Variants in STT3A observed in about 807,000 individuals in gnomAD.
STT3A encodes the protein STT3 oligosaccharyltransferase complex catalytic subunit A.
In STT3A, 34 loss-of-function variants were observed where a neutral mutation model predicts 89.2. That is an observed-to-expected ratio of 0.38 (90% confidence interval 0.29 to 0.51). The LOEUF (loss-of-function observed/expected upper bound fraction) is 0.51, where lower values mean the gene tolerates loss of function less well. Ranked by LOEUF, STT3A falls within the 20% of genes least tolerant of loss-of-function variation. The pLI, the probability that STT3A is intolerant of heterozygous loss-of-function variation, is 0.89. For missense variants in STT3A, 555 were observed against 889.5 expected (o/e 0.62, Z 4.78); for synonymous variants, 282 against 310.3 (o/e 0.91, Z 0.96).
upstream of STT3A, chr11:125,592,436 C>A (rs955207007): frequency 2.2e-6 from 1 of 456,136 alleles, no homozygotes; most frequent in South Asian, 1.5e-5. Flanking sequence ...AGACGGGAGA[C>A]GAGCGGCTCC....
intron 12 of STT3A, 40 bp downstream of exon 12, chr11:125,612,787 G>T: frequency 1.9e-6 from 3 of 1,602,844 alleles, no homozygotes; most frequent in Non-Finnish European, 2.6e-6. Context: ...GAAACTCTGT[G>T]TGTGTGTGTG....
Position 125,621,006 on chromosome 11 carries a change from C to A in STT3A, c.*196C>A. 2 of 459,478 alleles carry A rather than the reference C, an allele frequency of 4.4e-6. No homozygotes were observed. Among genetic ancestry groups the A allele is most frequent in the Non-Finnish European group, 7.7e-6 (2 of 261,042 alleles). 28.5% of individuals were successfully genotyped at this position (459,478 alleles called of 1,614,324 possible). On this transcript the variant is annotated 3_prime_UTR_variant, in exon 18 of 18. Transcript: ENST00000392708. ...ATTTTTATAATTCTAAACAGGTTAC[C>A]AAATGAAATGTCATGGCTTTACTTT...
At position 125,609,928 on chromosome 11, in the gene STT3A, G is replaced by A. The variant is rs143768483; in HGVS notation, c.1117+339G>A. ...TTTACCCTTGTTTTTCCTCTTGGAA[G>A]TATTGAAGTCCCATAATGAGTACTG... On this transcript the variant is annotated intron_variant, in intron 10 of 17. Coordinates refer to ENST00000392708, the MANE Select transcript of STT3A (RefSeq NM_152713.5). 22 of 230,248 alleles carry A rather than the reference G, an allele frequency of 9.6e-5. No individual in the cohort carries two copies. The East Asian group carries it at 2.1e-3, about 22-fold the overall frequency. The allele number at this position is 230,248 out of a possible 1,614,324, so 14.3% of individuals were successfully genotyped here. A position where few individuals can be genotyped will look rare whatever the true frequency, so the allele number is the denominator to read the frequency against.
chr11:125,620,000 T>A lies in STT3A; in HGVS notation c.1964-11T>A. ...GTAGAAAGAAGTGTGTTCTTTTTCA[T>A]CCCTCTCTAGAGCGTCCTCCAGGCT... On this transcript the variant is annotated splice_polypyrimidine_tract_variant and intron_variant, in intron 16 of 17. Transcript: ENST00000392708. The A allele has an allele frequency of 6.2e-7, 1 of 1,611,492 alleles. No homozygotes were observed.
intron 8 of STT3A, among the ~76,000 whole-genome samples, chr11:125,607,102 A>G (rs1275809149): frequency 1.3e-5 from 2 of 152,236 alleles, no homozygotes; most frequent in Non-Finnish European, 1.5e-5. Context: ...TCCAGTACCC[A>G]TACAAGCATT....
intron 10 of STT3A, 136 bp from the exon 11 acceptor site, chr11:125,611,292 T>C (rs1465101106): frequency 1.5e-6 from 1 of 685,326 alleles, no homozygotes; most frequent in Non-Finnish European, 2.5e-6. Context: ...ATGATTGTTT[T>C]TTTAGGATAA....
intron 7 of STT3A, 81 bp from the exon 8 acceptor site, chr11:125,606,220 C>A (rs779485972): frequency 2.4e-5 from 31 of 1,296,954 alleles, no homozygotes; most frequent in Non-Finnish European, 3.0e-5. Flanking sequence ...TTTAAAGAGT[C>A]ACAGGTGATA....
Position 125,609,517 on chromosome 11 carries a change from GTGTC to G in STT3A, c.1048_1051del (p.Glu351IlefsTer43). On this transcript the variant is annotated frameshift_variant, in exon 10 of 18. Transcript: ENST00000392708. LOFTEE classifies it high-confidence loss of function. ...GAACAACATCCCCATCATTGCTTCT[GTGTC>G]TGAGCATCAGCCCACAACCTGGTCC... 6.2e-7 allele frequency: 1 copy of G among 1,614,196 alleles called. No individual in the cohort carries two copies. The highest frequency in any genetic ancestry group is 8.5e-7 in the Non-Finnish European group (1 of 1,180,034).
rs1469321150 is a variant in STT3A, at chr11:125,623,088, A to AAT, written c.*2279_*2280insTA. 1 of 157,092 alleles carries AAT rather than the reference A, an allele frequency of 6.4e-6. No homozygotes were observed. Among genetic ancestry groups the AAT allele is most frequent in the Admixed American group, 6.5e-5 (1 of 15,354 alleles). 9.7% of individuals were successfully genotyped at this position (157,092 alleles called of 1,614,324 possible). ...TGTCTCAAAAAAAAAAAAAAAAAAA[A>AAT]AAAAGAGTGGGACCCAAAAAAGCTG... On this transcript the variant is annotated 3_prime_UTR_variant, in exon 18 of 18. Coordinates refer to ENST00000392708, the MANE Select transcript of STT3A (RefSeq NM_152713.5).
chr11:125,597,707 A>G (rs759644570), intron 3 of STT3A, among the ~76,000 whole-genome samples: 1 of 152,216 alleles, frequency 6.6e-6, no homozygotes, highest in Non-Finnish European at 1.5e-5. Context: ...TGGGCTTCTT[A>G]GTTAAATTCT....
chr11:125,606,461 T>A lies in STT3A; in HGVS notation c.776T>A (p.Phe259Tyr), dbSNP rs1939843026. The A allele has an allele frequency of 1.2e-6, 2 of 1,612,508 alleles. No homozygotes were observed. Among genetic ancestry groups the A allele is most frequent in the South Asian group, 1.1e-5 (1 of 90,652 alleles). Residue 259 changes from phenylalanine (F) to tyrosine (Y), a missense_variant, in exon 8 of 18, where the codon TTC (phenylalanine) becomes TAC (tyrosine). Transcript: ENST00000392708. ...ILSMQISFVG[F>Y]QPVLSSEHMA... ...TCTATGCAGATCTCCTTTGTGGGTT[T>A]CCAGGTGAGCCCTTGACTGAGTAGG...
chr11:125,596,995 T>TA, intron 2 of STT3A, 64 bp from the exon 3 acceptor site: 1 of 1,533,946 alleles, frequency 6.5e-7, no homozygotes, highest in African/African-American at 1.4e-5. Context: ...TTCATTATAA[T>TA]ACTATATCTG....
At chr11:125,611,311 A>T (rs1940008677) in intron 10 of STT3A, 117 bp from the exon 11 acceptor site, 1 of 737,302 alleles carries the variant, frequency 1.4e-6, no homozygotes, top group African/African-American at 1.8e-5. Context: ...AAATTCCTGG[A>T]AGTGGAATTG....
At position 125,611,477 on chromosome 11, in the gene STT3A, C is replaced by T. The variant is rs1190979469; in HGVS notation, c.1167C>T (p.Ile389=). The T allele has an allele frequency of 6.2e-7, 1 of 1,614,046 alleles. No homozygotes were observed. Among genetic ancestry groups the T allele is most frequent in the African/African-American group, 1.3e-5 (1 of 75,050 alleles). The part of the protein sequence containing the change: ...FSNLSDARIF[I]IMYGVTSMYF... ...ACCTGTCTGATGCCCGGATTTTTAT[C>T]ATCATGTATGGTGTGACCAGCATGT... is the stretch of plus-strand genomic sequence containing the variant. Residue 389 remains isoleucine (I), a synonymous_variant, in exon 11 of 18, where the codon ATC becomes ATT. Transcript: ENST00000392708.
intron 8 of STT3A, among the ~76,000 whole-genome samples, chr11:125,607,253 G>A (rs1025142139): frequency 2.0e-5 from 3 of 152,160 alleles, no homozygotes; most frequent in South Asian, 2.1e-4. Context: ...GGTAGTCTAC[G>A]CTAAGCTGTG....
In STT3A at chr11:125,621,507, A is replaced by G. The variant is rs1008415587; in HGVS notation, c.*697A>G. 1 of 152,240 alleles carries G rather than the reference A, an allele frequency of 6.6e-6. No homozygotes were observed. The highest frequency in any genetic ancestry group is 2.4e-5 in the African/African-American group (1 of 41,454). 9.4% of individuals were successfully genotyped at this position (152,240 alleles called of 1,614,324 possible). On this transcript the variant is annotated 3_prime_UTR_variant, in exon 18 of 18. Coordinates refer to ENST00000392708, the MANE Select transcript of STT3A (RefSeq NM_152713.5). The stretch of plus-strand genomic sequence containing the variant: ...GGAAGAAACTCTTCCAGCATTACAT[A>G]TAGAGCTTGATGGTCAGTAGGTGTT...
chr11:125,618,973 A>G lies in STT3A; in HGVS notation c.1963+412A>G, dbSNP rs368084645. ...GGTCTGGAACTCCTGAGCTCAAGCA[A>G]TCTTCTTGTCATGGCCTCCTGAAGT... On this transcript the variant is annotated intron_variant, in intron 16 of 17. Transcript: ENST00000392708. Among the ~76,000 whole-genome samples the G allele has an allele frequency of 5.3e-5, 8 of 152,192 alleles. No homozygotes were observed. The East Asian group carries it at 1.4e-3, about 26-fold the overall frequency.
rs1419850566 is a variant in STT3A, at chr11:125,622,427, T to G, written c.*1617T>G. On this transcript the variant is annotated 3_prime_UTR_variant, in exon 18 of 18. Coordinates refer to ENST00000392708, the MANE Select transcript of STT3A (RefSeq NM_152713.5). ...CAATATGATTAATACCAGTTAGAAA[T>G]TATTAATGATCTTCCTTTATACTAT... 6.6e-6 allele frequency: 1 copy of G among 152,246 alleles called. No individual in the cohort carries two copies. Among genetic ancestry groups the G allele is most frequent in the African/African-American group, 2.4e-5 (1 of 41,464 alleles). 9.4% of individuals were successfully genotyped at this position (152,246 alleles called of 1,614,324 possible).
rs151315874 is a variant in STT3A, at chr11:125,598,939, C to T, written c.149+1820C>T. ...TGTTTCTTGATCCCAATCTGTTAGG[C>T]TTCTTTCTCAGACCCTCTGAATGAG... is the stretch of plus-strand genomic sequence containing the variant. On this transcript the variant is annotated intron_variant, in intron 3 of 17. Transcript: ENST00000392708. 5.9e-3 allele frequency among the ~76,000 whole-genome samples: 898 copies of T among 152,256 alleles called. 8 individuals carry two copies. Among genetic ancestry groups the T allele is most frequent in the African/African-American group, 0.02 (833 of 41,552 alleles).
Sources: allele counts gnomAD v4.1 joint callset (sites outside exome capture counted in the v4.1 genomes callset), GRCh38; gene constraint gnomAD v4.1.1; transcripts MANE v1.5; gene names NCBI Gene and HGNC (gene_info 2026-07-23, HGNC 2026-07-21).